The following PLCE1 variants were observed in gnomAD, a reference collection of about 807,000 sequenced individuals.
PLCE1 encodes phospholipase C epsilon 1, also known as 1-phosphatidylinositol 4,5-bisphosphate phosphodiesterase epsilon-1.
PLCE1 carries 119 observed loss-of-function variants against 242.8 expected under a neutral mutation model. The ratio of observed to expected loss-of-function variants is 0.49; its 90% confidence interval spans 0.42 to 0.57. The LOEUF is 0.57. Ranked by LOEUF, PLCE1 falls within the 20% of genes least tolerant of loss-of-function variation. The pLI is 0.00. For missense variants in PLCE1, 2,441 were observed against 2,788.8 expected (o/e 0.88, Z 2.81); for synonymous variants, 945 against 1,017.4 (o/e 0.93, Z 1.35).
intron 4 of PLCE1, among the ~76,000 whole-genome samples, chr10:94,219,615 A>G (rs2049653110): frequency 6.6e-6 from 1 of 152,194 alleles, no homozygotes; most frequent in South Asian, 2.1e-4. Flanking sequence ...AGGAAGGAGT[A>G]TGGTCAGCCT....
intron 6 of PLCE1, 75 bp downstream of exon 6, chr10:94,234,387 A>C (rs2137298372): frequency 1.4e-6 from 2 of 1,463,822 alleles, no homozygotes; most frequent in East Asian, 4.5e-5. Flanking sequence ...GTCTGTGCTC[A>C]CCAAAGAAAT....
At chr10:94,135,589 G>A (rs1322838945) in intron 3 of PLCE1, among the ~76,000 whole-genome samples, 1 of 152,186 alleles carries the variant, frequency 6.6e-6, no homozygotes, top group African/African-American at 2.4e-5. Context: ...TCCTGGATAA[G>A]CAGTATTAAA....
In PLCE1 at chr10:94,306,871, A is replaced by G. The variant is rs925530970; in HGVS notation, c.5884+183A>G. On this transcript the variant is annotated intron_variant, in intron 26 of 32. Coordinates refer to ENST00000371380, the MANE Select transcript of PLCE1 (RefSeq NM_016341.4). This position sits in a 1 kb window ranked among gnomAD's most constrained non-coding sequence, Gnocchi z 5.7. Reference sequence around the variant, plus strand: ...ATCTCAAAAGAAGTTTTTCTTTTACATTTTTTAAGAATCTGAGGTATTAAC... The same window carrying G: ...ATCTCAAAAGAAGTTTTTCTTTTACGTTTTTTAAGAATCTGAGGTATTAAC... Among the ~76,000 whole-genome samples, 1 of 152,178 alleles carries G rather than the reference A, an allele frequency of 6.6e-6. No homozygotes were observed. The highest frequency in any genetic ancestry group is 2.4e-5 in the African/African-American group (1 of 41,438).
chr10:94,169,052 CCA>C (rs2136298415), intron 3 of PLCE1, among the ~76,000 whole-genome samples: 1 of 152,172 alleles, frequency 6.6e-6, no homozygotes, highest in Non-Finnish European at 1.5e-5. Flanking sequence ...TTAATAGTCT[CCA>C]TTTTTTGTTA....
chr10:94,257,118 T>C (rs913992872), intron 11 of PLCE1, among the ~76,000 whole-genome samples: 1 of 152,192 alleles, frequency 6.6e-6, no homozygotes, highest in Non-Finnish European at 1.5e-5. Context: ...AAGCTATCAA[T>C]TTGTAGTGCT....
At position 94,234,116 on chromosome 10, in the gene PLCE1, G is replaced by A. The variant is rs773350820; in HGVS notation, c.2018G>A (p.Ser673Asn). Reference sequence around the variant, plus strand: ...CAGTCTGATATTGAGACCATGAGGAGCCTGAAGGATGCTATGGCCCAGCAT... The same window carrying A: ...CAGTCTGATATTGAGACCATGAGGAACCTGAAGGATGCTATGGCCCAGCAT... ...MDQSDIETMR[S>N]LKDAMAQHES... Residue 673 changes from serine (S) to asparagine (N), a missense_variant, in exon 6 of 33, where the codon AGC becomes AAC. By Grantham distance (46) the Ser-to-Asn change is conservative (BLOSUM62 1). Transcript: ENST00000371380. 2.5e-6 allele frequency: 4 copies of A among 1,613,858 alleles called. No homozygotes were observed. In the African/African-American group the frequency reaches 5.3e-5, roughly 22 times the overall value.
rs2050244014 is a variant in PLCE1 at position 94,234,283 on chromosome 10, C to T, written c.2185C>T (p.Arg729Trp). Residue 729 changes from arginine (R) to tryptophan (W), a missense_variant, in exon 6 of 33, where the codon CGG (arginine) becomes TGG (tryptophan). Arg to Trp is a moderately radical substitution (Grantham distance 101, BLOSUM62 -3). Around this residue, in one of 5 missense-constraint regions of PLCE1, gnomAD observed 733 missense variants for 754.2 expected, o/e 0.97. Transcript: ENST00000371380. Reference sequence around the variant, plus strand: ...CTCCGGTCTCATGAAGCTTTGCCCGCGGTACAATTCCCAAGAAGAAACTTT... The same window carrying T: ...CTCCGGTCTCATGAAGCTTTGCCCGTGGTACAATTCCCAAGAAGAAACTTT... ...GASGLMKLCP[R>W]YNSQEETLEF... 9 of 1,613,916 alleles carry T rather than the reference C, an allele frequency of 5.6e-6. No individual in the cohort carries two copies. The highest frequency in any genetic ancestry group is 4.0e-5 in the African/African-American group (3 of 74,888).
chr10:94,194,476 C>G (rs1325446777), intron 4 of PLCE1, among the ~76,000 whole-genome samples: 1 of 152,182 alleles, frequency 6.6e-6, no homozygotes, highest in East Asian at 1.9e-4. Context: ...CTTCATGCCC[C>G]TTTTACATCT....
chr10:94,073,360 T>A (rs2044414781), intron 2 of PLCE1, among the ~76,000 whole-genome samples: 1 of 152,212 alleles, frequency 6.6e-6, no homozygotes, highest in African/African-American at 2.4e-5. Context: ...CTAAATGTTA[T>A]GTCTAAAGTT....
In PLCE1 at chr10:94,167,448, T is replaced by G. The variant is rs80170226; in HGVS notation, c.1493-3732T>G. On this transcript the variant is annotated intron_variant, in intron 3 of 32. Coordinates refer to ENST00000371380, the MANE Select transcript of PLCE1 (RefSeq NM_016341.4). The stretch of plus-strand genomic sequence containing the variant: ...GTTCCATATGAACAAAACTTTATTC[T>G]TGTTCACTAAATTTCAACATCAGGG... 5.9e-3 allele frequency among the ~76,000 whole-genome samples: 903 copies of G among 152,280 alleles called. 9 individuals carry two copies. Among genetic ancestry groups the G allele is most frequent in the Middle Eastern group, 6.8e-3 (2 of 294 alleles).
At chr10:94,105,086 G>A (rs2135537089) in intron 2 of PLCE1, 1 of 152,158 alleles carries the variant, frequency 6.6e-6, no homozygotes, top group East Asian at 1.9e-4. Context: ...TCTTTGTGAT[G>A]CCATGAAAAT....
chr10:94,026,697 TG>T (rs2061458573), intron 1 of PLCE1, among the ~76,000 whole-genome samples: 1 of 152,184 alleles, frequency 6.6e-6, no homozygotes, highest in Non-Finnish European at 1.5e-5. Context: ...ATATTATAGA[TG>T]TGGAAAGTAT....
At chr10:94,324,627 T>A in intron 31 of PLCE1, 60 bp downstream of exon 31, 1 of 1,325,142 alleles carries the variant, frequency 7.5e-7, no homozygotes, top group Non-Finnish European at 1.1e-6. Flanking sequence ...AATTACACTG[T>A]AGCCAGATCT....
At chr10:94,198,913 A>C (rs891855213) in intron 4 of PLCE1, among the ~76,000 whole-genome samples, 1 of 152,156 alleles carries the variant, frequency 6.6e-6, no homozygotes, top group Non-Finnish European at 1.5e-5. Context: ...TTATCTGGGC[A>C]TGGTGGCACG....
intron 24 of PLCE1, among the ~76,000 whole-genome samples, chr10:94,299,106 G>C (rs1381162475): frequency 6.6e-6 from 1 of 152,160 alleles, no homozygotes; most frequent in Non-Finnish European, 1.5e-5. Context: ...TATCCTTTTG[G>C]AATTGAGATG....
chr10:94,270,747 G>A lies in PLCE1; in HGVS notation c.4506+145G>A, dbSNP rs192811869. The A allele has an allele frequency of 3.1e-4, 223 of 723,582 alleles. No homozygotes were observed. The African/African-American group carries it at 3.4e-3, about 11-fold the overall frequency. The allele number at this position is 723,582 out of a possible 1,614,324, so 44.8% of individuals were successfully genotyped here. ...TGCAGTGGTGCAGTCTTGGCTCACT[G>A]CAACCTCTGCCTCTGAGGTTCAAGC... is the stretch of plus-strand genomic sequence containing the variant. On this transcript the variant is annotated intron_variant, in intron 18 of 32. Coordinates refer to ENST00000371380, the MANE Select transcript of PLCE1 (RefSeq NM_016341.4).
intron 3 of PLCE1, among the ~76,000 whole-genome samples, chr10:94,140,218 C>T (rs1032169699): frequency 6.6e-6 from 1 of 151,870 alleles, no homozygotes; most frequent in African/African-American, 2.4e-5. Flanking sequence ...AACAAAAATA[C>T]CTTACAGATA....
At chr10:94,013,053 G>A (rs936429707) in intron 1 of PLCE1, among the ~76,000 whole-genome samples, 3 of 152,150 alleles carry the variant, frequency 2.0e-5, no homozygotes, top group African/African-American at 7.2e-5. Context: ...ATATACTAGC[G>A]ACTCACTCAA....
chr10:94,108,891 A>T (rs1023218933), intron 2 of PLCE1: 4 of 152,248 alleles, frequency 2.6e-5, no homozygotes, highest in Non-Finnish European at 2.9e-5. Flanking sequence ...ATGTTACTGC[A>T]TTTAAAAAAG....
Sources: allele counts gnomAD v4.1 joint callset (sites outside exome capture counted in the v4.1 genomes callset), GRCh38; gene constraint gnomAD v4.1.1; regional missense constraint gnomAD v4.1.1; non-coding constraint Gnocchi (gnomAD v3.1); transcripts MANE v1.5; gene names NCBI Gene and HGNC (gene_info 2026-07-23, HGNC 2026-07-21).